TMEM272: variants seen among roughly 807,000 people sequenced by gnomAD.
The protein encoded by TMEM272 is long intergenic non-protein coding RNA 282.
TMEM272 carries 8 observed loss-of-function variants against 3.7 expected under a neutral mutation model. The observed-to-expected ratio is 2.17, with a 90% CI of 1.27 to 3.91. TMEM272 has a LOEUF of 3.91. Ranked by LOEUF, TMEM272 falls within the 30% of genes most tolerant of loss-of-function variation. TMEM272 has a pLI of 0.00. For synonymous variants in TMEM272, 63 were observed against 39.8 expected (o/e 1.58, Z -2.20); for missense variants, 166 against 91.5 (o/e 1.81, Z -3.32).
At chr13:51,888,579 T>C in the TMEM272 span, among the ~76,000 whole-genome samples, 1 of 152,116 alleles carries the variant, frequency 6.6e-6, no homozygotes, top group Non-Finnish European at 1.5e-5. Context: ...CAGCATTTTA[T>C]AGGAATCACT....
chr13:51,893,910 A>G, the TMEM272 span, among the ~76,000 whole-genome samples: 2 of 152,224 alleles, frequency 1.3e-5, no homozygotes, highest in African/African-American at 4.8e-5. Flanking sequence ...TGTATGATTT[A>G]AATAATAACG....
intron 1 of TMEM272, among the ~76,000 whole-genome samples, chr13:51,843,774 G>A (rs1174708740): frequency 6.6e-6 from 1 of 152,208 alleles, no homozygotes; most frequent in Non-Finnish European, 1.5e-5. Context: ...CACCTAGAAG[G>A]GCAGTGATAA....
the TMEM272 span, chr13:51,909,715 C>T: frequency 6.5e-7 from 1 of 1,546,312 alleles, no homozygotes; most frequent in African/African-American, 1.4e-5. Flanking sequence ...TCTAAGTAAG[C>T]ACCATCTTTC....
Position 51,816,654 on chromosome 13 carries a change from T to C in TMEM272, c.*97A>G, listed in dbSNP as rs1243753610. 3 of 171,710 alleles carry C rather than the reference T, an allele frequency of 1.7e-5. No homozygotes were observed. Among genetic ancestry groups the C allele is most frequent in the Non-Finnish European group, 3.4e-5 (3 of 87,712 alleles). The allele number at this position is 171,710 out of a possible 1,614,324, so 10.6% of individuals were successfully genotyped here. On this transcript the variant is annotated 3_prime_UTR_variant, in exon 5 of 5. Coordinates refer to ENST00000629372, the MANE Select transcript of TMEM272 (RefSeq NM_001351003.2). The stretch of plus-strand genomic sequence containing the variant: ...TTACCTTTATGCCCTTCTCTGAACC[T>C]GTGTGTGTGTGTGTGTGTGTGTGCG...
chr13:51,847,015 T>C (rs1326116511), upstream of TMEM272, among the ~76,000 whole-genome samples: 1 of 152,216 alleles, frequency 6.6e-6, no homozygotes, highest in African/African-American at 2.4e-5. Context: ...CAAGCTCCAT[T>C]CATGGTAAAT....
At chr13:51,849,841 C>T (rs78074074), upstream of TMEM272, among the ~76,000 whole-genome samples, 49 of 152,286 alleles carry the variant, frequency 3.2e-4, no homozygotes, top group East Asian at 8.3e-3. Flanking sequence ...AAATGCACAA[C>T]GCCACCTACT....
At chr13:51,821,686 AAGCAAAAAAAAAAAAAGC>A (rs60735765) in intron 4 of TMEM272, among the ~76,000 whole-genome samples, 2,150 of 135,646 alleles carry the variant, frequency 0.016, 102 homozygotes, top group African/African-American at 0.046. Context: ...AAAAAAAAAA[AAGCAAAAAAAAAAAAAGC>A]AGCAGCAGCA....
At chr13:51,910,139 T>C in the TMEM272 span, 230 of 1,030,954 alleles carry the variant, frequency 2.2e-4, 3 homozygotes, top group South Asian at 2.8e-3. Flanking sequence ...CCTCATCTTG[T>C]TCAGAATGTT....
At chr13:51,932,344 A>C in the TMEM272 span, 1 of 152,246 alleles carries the variant, frequency 6.6e-6, no homozygotes, top group Non-Finnish European at 1.5e-5. Flanking sequence ...CCTTTTGCAG[A>C]CACTCACCCT....
the TMEM272 span, among the ~76,000 whole-genome samples, chr13:51,915,100 CAAT>C: frequency 6.6e-6 from 1 of 152,126 alleles, no homozygotes; most frequent in South Asian, 2.1e-4. Flanking sequence ...AAACAGTAAA[CAAT>C]AAAGAAAAAT....
chr13:51,865,895 G>A, the TMEM272 span: 2 of 1,613,704 alleles, frequency 1.2e-6, no homozygotes, highest in South Asian at 1.1e-5. Flanking sequence ...CCTCCTTGAG[G>A]GGGAGAAAGC....
the TMEM272 span, among the ~76,000 whole-genome samples, chr13:51,868,116 T>TC: frequency 6.6e-6 from 1 of 152,232 alleles, no homozygotes; most frequent in African/African-American, 2.4e-5. Flanking sequence ...GCAGCCAGCA[T>TC]CCCTTTGCTA....
chr13:51,906,019 C>A, the TMEM272 span, among the ~76,000 whole-genome samples: 6 of 152,188 alleles, frequency 3.9e-5, no homozygotes, highest in Admixed American at 3.3e-4. Context: ...CCAGTGATGA[C>A]TTGGGGCTCG....
the TMEM272 span, among the ~76,000 whole-genome samples, chr13:51,876,529 G>A: frequency 6.6e-6 from 1 of 152,156 alleles, no homozygotes; most frequent in Non-Finnish European, 1.5e-5. Context: ...CACATCATTT[G>A]CATTTAGGAT....
chr13:51,916,071 T>C, the TMEM272 span, among the ~76,000 whole-genome samples: 3 of 152,196 alleles, frequency 2.0e-5, no homozygotes, highest in East Asian at 5.8e-4. Context: ...AGACCTCTTC[T>C]CAAAAAGAAG....
the TMEM272 span, among the ~76,000 whole-genome samples, chr13:51,903,203 G>A: frequency 6.6e-6 from 1 of 152,210 alleles, no homozygotes; most frequent in African/African-American, 2.4e-5. Context: ...GGATGCACGA[G>A]GCAGCAGCAG....
chr13:51,852,712 T>C, the TMEM272 span, among the ~76,000 whole-genome samples: 3 of 152,000 alleles, frequency 2.0e-5, no homozygotes, highest in South Asian at 2.1e-4. Context: ...ACCCCGTCTC[T>C]ACTAAAAATA....
the TMEM272 span, chr13:51,933,544 T>C: frequency 4.6e-5 from 7 of 152,248 alleles, no homozygotes; most frequent in Non-Finnish European, 7.3e-5. Context: ...AGTCTAAAAC[T>C]GAACCCGTTC....
chr13:51,919,717 C>A, the TMEM272 span, among the ~76,000 whole-genome samples: 8 of 152,214 alleles, frequency 5.3e-5, no homozygotes, highest in African/African-American at 1.9e-4. Flanking sequence ...TCGGCTGTGT[C>A]CCGAGCAAAC....
Sources: allele counts gnomAD v4.1 joint callset (sites outside exome capture counted in the v4.1 genomes callset), GRCh38; gene constraint gnomAD v4.1.1; transcripts MANE v1.5; gene names NCBI Gene and HGNC (gene_info 2026-07-23, HGNC 2026-07-21).